The following ZFHX3 variants were observed in gnomAD, a reference collection of about 807,000 sequenced individuals.
ZFHX3 encodes the protein zinc finger homeobox protein 3.
ZFHX3 carries 42 observed loss-of-function variants against 279.1 expected under a neutral mutation model. The observed-to-expected ratio is 0.15, with a 90% CI of 0.12 to 0.19. ZFHX3 has a LOEUF of 0.19. ZFHX3 is among the 10% of genes least tolerant of loss of function. ZFHX3 has a pLI of 1.00. For synonymous variants in ZFHX3, 2,293 were observed against 1,957.8 expected (o/e 1.17, Z -4.52); for missense variants, 4,981 against 4,754.0 (o/e 1.05, Z -1.40).
chr16:72,815,135 C>T (rs1046607265), intron 5 of ZFHX3, among the ~76,000 whole-genome samples: 2 of 152,146 alleles, frequency 1.3e-5, no homozygotes, highest in Non-Finnish European at 2.9e-5. Flanking sequence ...TGGCAAGGTG[C>T]AGTGGCTCAC....
At chr16:73,784,417 AAAAG>A (rs1386621514) in intron 1 of ZFHX3, among the ~76,000 whole-genome samples, 1 of 152,124 alleles carries the variant, frequency 6.6e-6, no homozygotes, top group Non-Finnish European at 1.5e-5. Flanking sequence ...CAAAAAAGAA[AAAAG>A]AAAGACAGAT....
chr16:73,459,364 TG>T (rs928585169), intron 2 of ZFHX3, among the ~76,000 whole-genome samples: 3 of 152,062 alleles, frequency 2.0e-5, no homozygotes, highest in African/African-American at 4.8e-5. Context: ...TTTTTGTTGT[TG>T]TTTTTTTTTC....
At chr16:73,832,464 T>C (rs1037532188) in intron 1 of ZFHX3, among the ~76,000 whole-genome samples, 1 of 152,220 alleles carries the variant, frequency 6.6e-6, no homozygotes, top group African/African-American at 2.4e-5. Flanking sequence ...AGACATAAAA[T>C]TGATTTAAGA....
chr16:73,328,447 T>C (rs1398329466), intron 3 of ZFHX3, among the ~76,000 whole-genome samples: 1 of 152,230 alleles, frequency 6.6e-6, no homozygotes, highest in African/African-American at 2.4e-5. Context: ...ACGGGAGTTA[T>C]AGGTTTGGTG....
intron 2 of ZFHX3, among the ~76,000 whole-genome samples, chr16:73,528,109 C>T (rs1052482960): frequency 1.3e-5 from 2 of 152,158 alleles, no homozygotes; most frequent in South Asian, 2.1e-4. Flanking sequence ...AAAATGGGAG[C>T]GGCCTCCTGG....
At position 73,300,028 on chromosome 16, in the gene ZFHX3, T is replaced by C. The variant is rs567302035; in HGVS notation, c.-1194+18212A>G. 2.0e-5 allele frequency among the ~76,000 whole-genome samples: 3 copies of C among 152,214 alleles called. No homozygotes were observed. The East Asian group carries it at 5.8e-4, about 29-fold the overall frequency. ...CTTTGGCTTTTTTCAGTTAACAAGTTTGGTGTGATTCCTTTGCTACTGTTC... is the reference window on the plus strand; with the variant it reads ...CTTTGGCTTTTTTCAGTTAACAAGTCTGGTGTGATTCCTTTGCTACTGTTC... On this transcript the variant is annotated intron_variant, in intron 4 of 17. Coordinates refer to the ZFHX3 transcript ENST00000641206.
At chr16:73,223,161 C>T (rs1399721835) in intron 5 of ZFHX3, among the ~76,000 whole-genome samples, 3 of 151,940 alleles carry the variant, frequency 2.0e-5, no homozygotes, top group Non-Finnish European at 4.4e-5. Context: ...TTGGGTTTGG[C>T]GATGACTTTT....
At chr16:73,332,872 G>A (rs893163703) in intron 3 of ZFHX3, among the ~76,000 whole-genome samples, 1 of 152,192 alleles carries the variant, frequency 6.6e-6, no homozygotes, top group Admixed American at 6.5e-5. Flanking sequence ...GAAGACTAGT[G>A]ATTTTCTAGA....
At chr16:73,337,914 C>T (rs1206710028) in intron 3 of ZFHX3, among the ~76,000 whole-genome samples, 1 of 125,214 alleles carries the variant, frequency 8.0e-6, no homozygotes, top group Non-Finnish European at 1.9e-5. Context: ...TCCTCATCCC[C>T]TTTTTATGCC....
chr16:73,136,993 A>G (rs1966807143), intron 6 of ZFHX3, among the ~76,000 whole-genome samples: 1 of 151,756 alleles, frequency 6.6e-6, no homozygotes, highest in Non-Finnish European at 1.5e-5. Flanking sequence ...TGCTAGCAGT[A>G]AATGATTGGA....
chr16:72,937,562 G>A (rs1309619389), intron 3 of ZFHX3, among the ~76,000 whole-genome samples: 1 of 152,228 alleles, frequency 6.6e-6, no homozygotes, highest in Non-Finnish European at 1.5e-5. Context: ...GGGGTTGCTG[G>A]GCAATGCGGC....
intron 1 of ZFHX3, among the ~76,000 whole-genome samples, chr16:73,732,743 C>T (rs1195420493): frequency 1.3e-5 from 2 of 152,192 alleles, no homozygotes; most frequent in Non-Finnish European, 2.9e-5. Flanking sequence ...GACAACTGTT[C>T]TCCTAAAGGA....
intron 2 of ZFHX3, among the ~76,000 whole-genome samples, chr16:73,476,381 G>A (rs903694166): frequency 4.2e-4 from 64 of 152,206 alleles, no homozygotes; most frequent in African/African-American, 1.5e-3. Flanking sequence ...AGAACGTGTA[G>A]GTTGATTTAC....
intron 4 of ZFHX3, among the ~76,000 whole-genome samples, chr16:73,263,893 G>A (rs1052107433): frequency 2.0e-5 from 3 of 152,300 alleles, no homozygotes; most frequent in African/African-American, 7.2e-5. Context: ...ATGGCCAGGC[G>A]CAGTGGCTCA....
At chr16:73,692,548 G>T (rs147088577) in intron 1 of ZFHX3, among the ~76,000 whole-genome samples, 7 of 152,280 alleles carry the variant, frequency 4.6e-5, no homozygotes, top group Non-Finnish European at 7.4e-5. Context: ...CAGTAACAAA[G>T]GTTGCCTCTG....
intron 2 of ZFHX3, among the ~76,000 whole-genome samples, chr16:73,633,904 A>T (rs1041701780): frequency 6.6e-6 from 1 of 152,190 alleles, no homozygotes; most frequent in Non-Finnish European, 1.5e-5. Flanking sequence ...TCACAAAAAA[A>T]AAAAGGCTTA....
At chr16:73,200,489 G>A (rs1207259615) in intron 5 of ZFHX3, among the ~76,000 whole-genome samples, 1 of 152,106 alleles carries the variant, frequency 6.6e-6, no homozygotes, top group African/African-American at 2.4e-5. Context: ...GAATTCTCTT[G>A]ATGCTTCCAC....
chr16:72,795,288 T>A lies in ZFHX3; in HGVS notation c.7394A>T (p.Asn2465Ile). 1 of 1,613,832 alleles carries A rather than the reference T, an allele frequency of 6.2e-7. No individual in the cohort carries two copies. The highest frequency in any genetic ancestry group is 8.5e-7 in the Non-Finnish European group (1 of 1,179,928). ...CTGGGGGAGCTTCTGCTGGGGAGTG[T>A]TGGTCTTCTGCTCGGGCTGCTCTTG... Reference protein sequence around the residue: ...QQQEQPEQKTNTPQQKLPQLV... With the variant: ...QQQEQPEQKTITPQQKLPQLV... The change falls in exon 9 of 10, where the codon AAC becomes ATC. Residue 2465 changes from asparagine (N) to isoleucine (I), a missense_variant. This residue lies in a region of ZFHX3 where 744 missense variants were observed against 701.3 expected (regional missense o/e 1.06). Coordinates refer to ENST00000268489, the MANE Select transcript of ZFHX3 (RefSeq NM_006885.4).
chr16:73,612,062 T>G (rs2052252449), intron 2 of ZFHX3, among the ~76,000 whole-genome samples: 1 of 152,212 alleles, frequency 6.6e-6, no homozygotes, highest in African/African-American at 2.4e-5. Context: ...GGATTTAGGT[T>G]TGTAAATATT....
Sources: gnomAD v4.1 joint callset for allele counts (sites outside exome capture counted in the v4.1 genomes callset) on GRCh38, gnomAD v4.1.1 for gene constraint, gnomAD v4.1.1 regional missense constraint, MANE v1.5 for transcripts, NCBI Gene and HGNC (gene_info 2026-07-23, HGNC 2026-07-21) for gene names.